USP40: variants seen among roughly 807,000 people sequenced by gnomAD.
USP40 encodes ubiquitin specific peptidase 40.
In USP40, 143 loss-of-function variants were observed where a neutral mutation model predicts 166.2. The observed-to-expected ratio is 0.86, with a 90% CI of 0.75 to 0.99. USP40 has a LOEUF of 0.99. Among genes scored for constraint, USP40 ranks in the 50% least tolerant of loss-of-function variants. The pLI, the probability that USP40 is intolerant of heterozygous loss-of-function variation, is 0.00. For synonymous variants in USP40, 498 were observed against 524.0 expected, an observed-to-expected ratio of 0.95 and a Z score of 0.68; for missense variants, 1,444 against 1,479.7, an observed-to-expected ratio of 0.98 and a Z score of 0.40.
intron 17 of USP40, among the ~76,000 whole-genome samples, chr2:233,520,021 G>T (rs2067545751): frequency 6.6e-6 from 1 of 152,120 alleles, no homozygotes; most frequent in Non-Finnish European, 1.5e-5. Context: ...AAAATAAACT[G>T]CAGGCAATCA....
intron 17 of USP40, among the ~76,000 whole-genome samples, chr2:233,519,891 A>G (rs1395388379): frequency 6.6e-6 from 1 of 152,174 alleles, no homozygotes; most frequent in Non-Finnish European, 1.5e-5. Flanking sequence ...ATTGATGTTA[A>G]TTGGAACAGA....
At chr2:233,492,936 T>C (rs2065441293) in intron 25 of USP40, 1 of 165,690 alleles carries the variant, frequency 6.0e-6, no homozygotes, top group Admixed American at 5.8e-5. Flanking sequence ...ATGCTTGTAC[T>C]TGTCTATGTT....
intron 30 of USP40, among the ~76,000 whole-genome samples, chr2:233,481,981 C>T (rs939203864): frequency 6.6e-6 from 1 of 152,202 alleles, no homozygotes; most frequent in Non-Finnish European, 1.5e-5. Context: ...CTGGGGGTTG[C>T]CCAGGTCGCT....
Position 233,523,607 on chromosome 2 carries a change from T to A in USP40, c.1882-118A>T, listed in dbSNP as rs1390836202. 6.1e-6 allele frequency: 6 copies of A among 990,988 alleles called. No homozygotes were observed. In the East Asian group the frequency reaches 1.6e-4, roughly 26 times the overall value. The allele number at this position is 990,988 out of a possible 1,614,324, so 61.4% of individuals were successfully genotyped here. A position where few individuals can be genotyped will look rare whatever the true frequency, so the allele number is the denominator to read the frequency against. ...TCATTTTTTCCAAGTAAAATAAAAT[T>A]TTCACAAATGTCTGTTAAGCATCAG... On this transcript the variant is annotated intron_variant, in intron 15 of 31. Coordinates refer to ENST00000678225, the MANE Select transcript of USP40 (RefSeq NM_001365479.2).
At chr2:233,554,353 T>C (rs770359671) in intron 6 of USP40, 27 bp downstream of exon 6, 5 of 1,579,318 alleles carry the variant, frequency 3.2e-6, no homozygotes, top group Admixed American at 1.9e-5. Context: ...GTGGGGACCC[T>C]GGGAAAAAGC....
At chr2:233,484,171 A>ACAC (rs2064800006) in intron 30 of USP40, among the ~76,000 whole-genome samples, 2 of 152,346 alleles carry the variant, frequency 1.3e-5, no homozygotes, top group African/African-American at 4.8e-5. Flanking sequence ...AACAACAACA[A>ACAC]AAGAAAATCT....
chr2:233,512,485 A>T (rs2066907363), intron 19 of USP40, 84 bp downstream of exon 19: 2 of 848,204 alleles, frequency 2.4e-6, no homozygotes, highest in Non-Finnish European at 3.4e-6. Flanking sequence ...GGTAATTTTT[A>T]AATATTAGGT....
Position 233,494,916 on chromosome 2 carries a change from A to ATTTT in USP40, c.2791-1366_2791-1365insAAAA, listed in dbSNP as rs3075063. Among the ~76,000 whole-genome samples the ATTTT allele has an allele frequency of 9.3e-4, 8 of 8,574 alleles. 1 individual carries two copies. Among genetic ancestry groups the ATTTT allele is most frequent in the African/African-American group, 4.5e-3 (7 of 1,540 alleles). 5.6% of individuals were successfully genotyped at this position (8,574 alleles called of 152,430 possible). A position where few individuals can be genotyped will look rare whatever the true frequency, so the allele number is the denominator to read the frequency against. The stretch of plus-strand genomic sequence containing the variant: ...TATACTCATATACAAGCAAAATGGC[A>ATTTT]TATATATATATATATATATATATAT... On this transcript the variant is annotated intron_variant, in intron 24 of 31. Transcript: ENST00000678225.
intron 5 of USP40, among the ~76,000 whole-genome samples, chr2:233,554,859 T>C: frequency 6.6e-6 from 1 of 152,214 alleles, no homozygotes; most frequent in African/African-American, 2.4e-5. Flanking sequence ...AGGTATACAG[T>C]ACTGTTTTAG....
intron 16 of USP40, 124 bp downstream of exon 16, chr2:233,523,046 C>T (rs1267960974): frequency 1.8e-6 from 2 of 1,092,928 alleles, no homozygotes; most frequent in Non-Finnish European, 2.6e-6. Flanking sequence ...ATATTTAGAA[C>T]ATAATGTCTA....
At chr2:233,503,700 T>C (rs1250740614) in intron 21 of USP40, among the ~76,000 whole-genome samples, 2 of 152,124 alleles carry the variant, frequency 1.3e-5, no homozygotes, top group Non-Finnish European at 2.9e-5. Flanking sequence ...AGGCGAGATA[T>C]AAATCTCAGA....
chr2:233,495,846 A>G (rs1317733153), intron 24 of USP40, among the ~76,000 whole-genome samples: 1 of 152,256 alleles, frequency 6.6e-6, no homozygotes, highest in African/African-American at 2.4e-5. Flanking sequence ...TGTACAAAAT[A>G]TAATAGAATT....
chr2:233,513,735 T>G (rs532072796), intron 18 of USP40, among the ~76,000 whole-genome samples: 7 of 152,308 alleles, frequency 4.6e-5, no homozygotes, highest in Middle Eastern at 3.4e-3. Context: ...ATGTGCTATG[T>G]TTGAGGATAC....
At chr2:233,564,389 C>T (rs757406761) in intron 2 of USP40, among the ~76,000 whole-genome samples, 1 of 151,996 alleles carries the variant, frequency 6.6e-6, no homozygotes, top group Non-Finnish European at 1.5e-5. Context: ...CAGGTGAAGG[C>T]AAAGTAATGT....
chr2:233,504,682 A>C (rs1423390175), intron 21 of USP40, among the ~76,000 whole-genome samples: 1 of 152,034 alleles, frequency 6.6e-6, no homozygotes, highest in African/African-American at 2.4e-5. Flanking sequence ...ATATATGCAA[A>C]CACCACCAGA....
chr2:233,477,430 C>A lies in USP40; in HGVS notation c.3673G>T (p.Glu1225Ter), dbSNP rs1207132785. The A allele has an allele frequency of 6.2e-7, 1 of 1,613,756 alleles. No homozygotes were observed. Reference protein sequence around the residue: ...AETPARPRAPETSLSIHVGSF... With the variant: ...AETPARPRAP ...CCCACGTGGATGGAGAGAGAAGTTT[C>A]CGGGGCTCGGGGCCGGGCAGGCGTC... The change falls in exon 32 of 32, where the codon GAA (glutamate) becomes TAA (stop). Residue 1225 changes from glutamate (E) to a stop codon, truncating the protein, a stop_gained. Transcript: ENST00000678225. LOFTEE classifies it high-confidence loss of function.
intron 21 of USP40, among the ~76,000 whole-genome samples, chr2:233,506,740 CAAAAAAAA>C (rs1227656570): frequency 1.9e-5 from 1 of 53,848 alleles, no homozygotes; most frequent in Non-Finnish European, 4.5e-5. Context: ...ACCGAAAATA[CAAAAAAAA>C]AAAAAAAAAA....
intron 21 of USP40, among the ~76,000 whole-genome samples, chr2:233,501,818 T>C (rs1283760981): frequency 6.6e-6 from 1 of 152,186 alleles, no homozygotes; most frequent in African/African-American, 2.4e-5. Context: ...GTTCTAGGTT[T>C]GGATGATTGT....
rs771994772 is a variant in USP40 at position 233,565,569 on chromosome 2, C to G, written c.-15G>C. Reference sequence around the variant, plus strand: ...TCCCCAAACATTGTGAAACTAAATACTACCCTTAAAAAAAGTGACATATAA... The same window carrying G: ...TCCCCAAACATTGTGAAACTAAATAGTACCCTTAAAAAAAGTGACATATAA... On this transcript the variant is annotated 5_prime_UTR_variant, in exon 2 of 32. Coordinates refer to ENST00000678225, the MANE Select transcript of USP40 (RefSeq NM_001365479.2). 6.5e-7 allele frequency: 1 copy of G among 1,531,236 alleles called. No individual in the cohort carries two copies. The highest frequency in any genetic ancestry group is 1.2e-5 in the South Asian group (1 of 82,168). The allele number at this position is 1,531,236 out of a possible 1,614,324, so 94.9% of individuals were successfully genotyped here. A position where few individuals can be genotyped will look rare whatever the true frequency, so the allele number is the denominator to read the frequency against.
Sources: allele counts gnomAD v4.1 joint callset (sites outside exome capture counted in the v4.1 genomes callset), GRCh38; gene constraint gnomAD v4.1.1; transcripts MANE v1.5; gene names NCBI Gene and HGNC (gene_info 2026-07-23, HGNC 2026-07-21).